The following DYNC2I1 variants were observed in gnomAD, a reference collection of about 807,000 sequenced individuals.
The protein encoded by DYNC2I1 is cytoplasmic dynein 2 intermediate chain 1.
DYNC2I1 carries 89 observed loss-of-function variants against 133.4 expected under a neutral mutation model. That is an observed-to-expected ratio of 0.67 (90% confidence interval 0.56 to 0.80). The LOEUF (loss-of-function observed/expected upper bound fraction) is 0.80. Among genes scored for constraint, DYNC2I1 ranks in the 30% least tolerant of loss-of-function variants. The probability of loss-of-function intolerance (pLI) is 0.00; values close to 1 mark genes in which losing one functional copy is unlikely to be tolerated. For synonymous variants in DYNC2I1, 504 were observed against 484.3 expected (o/e 1.04, Z -0.54); for missense variants, 1,291 against 1,314.5 (o/e 0.98, Z 0.28).
intron 8 of DYNC2I1, among the ~76,000 whole-genome samples, chr7:158,898,497 C>A (rs1212631550): frequency 6.6e-6 from 1 of 152,140 alleles, no homozygotes; most frequent in East Asian, 1.9e-4. Context: ...CTTCTTTATT[C>A]ATGTTGACTC....
At chr7:158,879,061 G>A (rs1011489337) in intron 4 of DYNC2I1, among the ~76,000 whole-genome samples, 4 of 152,160 alleles carry the variant, frequency 2.6e-5, no homozygotes, top group East Asian at 1.9e-4. Context: ...CGTGAGTGTC[G>A]GGCACCATGT....
chr7:158,939,833 A>G (rs1477268588), intron 23 of DYNC2I1, among the ~76,000 whole-genome samples: 1 of 152,220 alleles, frequency 6.6e-6, no homozygotes, highest in Non-Finnish European at 1.5e-5. Flanking sequence ...TGGCAGATAA[A>G]TTAGACTACA....
chr7:158,930,511 G>A lies in DYNC2I1; in HGVS notation c.2542G>A (p.Asp848Asn), dbSNP rs1272818063. The A allele has an allele frequency of 6.2e-7, 1 of 1,612,508 alleles. No individual in the cohort carries two copies. The highest frequency in any genetic ancestry group is 2.2e-5 in the East Asian group (1 of 44,876). ...LVHSALIQLG[D>N]SLSHKGNEFW... ...ACATAGTGCTCTGATCCAGTTGGGT[G>A]ACAGGTAAGATGTGAGGGAAAATGC... is the stretch of plus-strand genomic sequence containing the variant. The change falls in exon 21 of 25, where the codon GAC becomes AAC. Residue 848 changes from aspartate (D) to asparagine (N), a missense_variant. Physicochemically the swap from Asp to Asn is conservative, Grantham distance 23 (BLOSUM62 1). Coordinates refer to ENST00000407559, the MANE Select transcript of DYNC2I1 (RefSeq NM_018051.5).
chr7:158,926,535 G>A (rs774393104), intron 19 of DYNC2I1, 72 bp downstream of exon 19: 96 of 1,511,756 alleles, frequency 6.4e-5, no homozygotes, highest in Non-Finnish European at 8.6e-5. Context: ...GCGCCTGAAT[G>A]GCGCAGGGGG....
chr7:158,956,966 C>G (rs893523673), downstream of DYNC2I1, among the ~76,000 whole-genome samples: 1 of 152,102 alleles, frequency 6.6e-6, no homozygotes, highest in African/African-American at 2.4e-5. Flanking sequence ...CCACACTCAC[C>G]CGGCATCGGG....
intron 13 of DYNC2I1, among the ~76,000 whole-genome samples, chr7:158,913,948 G>A (rs1326016658): frequency 6.6e-6 from 1 of 152,178 alleles, no homozygotes; most frequent in East Asian, 1.9e-4. Flanking sequence ...GACCTCAGAT[G>A]ATCCACCTGC....
At chr7:158,869,528 GAC>G (rs1207572071) in intron 1 of DYNC2I1, 1 of 488,788 alleles carries the variant, frequency 2.0e-6, no homozygotes, top group South Asian at 1.5e-5. Context: ...AATACAGTCT[GAC>G]ACAAGATATT....
chr7:158,947,909 C>T (rs1212975937), downstream of DYNC2I1, among the ~76,000 whole-genome samples: 1 of 152,250 alleles, frequency 6.6e-6, no homozygotes, highest in Non-Finnish European at 1.5e-5. Context: ...TCCATGATGT[C>T]CTTGAATGTG....
At chr7:158,850,302 T>C in the DYNC2I1 span, among the ~76,000 whole-genome samples, 7 of 152,288 alleles carry the variant, frequency 4.6e-5, no homozygotes, top group South Asian at 1.2e-3. Flanking sequence ...AGGTCTACAG[T>C]TGCACGTCCA....
chr7:158,894,090 T>C (rs1364065759), intron 8 of DYNC2I1, among the ~76,000 whole-genome samples: 3 of 11,442 alleles, frequency 2.6e-4, no homozygotes, highest in East Asian at 1.7e-3. Context: ...TATTATACCG[T>C]ATAGCAAAGT....
At chr7:158,897,977 C>T (rs1307648206) in intron 8 of DYNC2I1, among the ~76,000 whole-genome samples, 1 of 152,118 alleles carries the variant, frequency 6.6e-6, no homozygotes, top group African/African-American at 2.4e-5. Flanking sequence ...TTACATTTCT[C>T]TTGAGATTTG....
intron 1 of DYNC2I1, among the ~76,000 whole-genome samples, chr7:158,868,097 C>T (rs1297924772): frequency 2.0e-5 from 3 of 152,030 alleles, no homozygotes; most frequent in Non-Finnish European, 2.9e-5. Context: ...AACAAAAAGA[C>T]GATGATGAAG....
At chr7:158,863,294 A>G (rs562133502) in intron 1 of DYNC2I1, among the ~76,000 whole-genome samples, 249 of 152,204 alleles carry the variant, frequency 1.6e-3, no homozygotes, top group Non-Finnish European at 2.9e-3. Flanking sequence ...CCGTTTTTAC[A>G]GAGTGCTGAT....
At chr7:158,952,082 G>A (rs1009789283) in intron 4 of DYNC2I1, among the ~76,000 whole-genome samples, 10 of 152,334 alleles carry the variant, frequency 6.6e-5, no homozygotes, top group South Asian at 2.1e-4. Context: ...TGGCAAGGTC[G>A]CGGTGGAAAT....
At chr7:158,874,915 T>A (rs1843214584) in intron 3 of DYNC2I1, among the ~76,000 whole-genome samples, 1 of 152,086 alleles carries the variant, frequency 6.6e-6, no homozygotes, top group Admixed American at 6.5e-5. Context: ...TCTCAGTTAA[T>A]AGCACCTGCA....
intron 4 of DYNC2I1, among the ~76,000 whole-genome samples, 152 bp from the exon 5 acceptor site, chr7:158,879,532 G>A (rs1420260589): frequency 1.3e-5 from 2 of 152,126 alleles, no homozygotes; most frequent in African/African-American, 4.8e-5. Flanking sequence ...CAAGGAAAAA[G>A]TCTGTACATG....
chr7:158,844,169 C>T, the DYNC2I1 span, among the ~76,000 whole-genome samples: 7 of 152,304 alleles, frequency 4.6e-5, no homozygotes, highest in Middle Eastern at 3.4e-3. Flanking sequence ...AGGAAGTTTT[C>T]GCCTGACTCA....
chr7:158,920,155 T>G (rs1192936260), intron 15 of DYNC2I1, among the ~76,000 whole-genome samples: 1 of 148,126 alleles, frequency 6.8e-6, no homozygotes, highest in Non-Finnish European at 1.5e-5. Context: ...AGAGAACATG[T>G]GAAGTGTGTG....
At chr7:158,926,894 C>T in intron 19 of DYNC2I1, 98 bp from the exon 20 acceptor site, 3 of 866,494 alleles carry the variant, frequency 3.5e-6, no homozygotes, top group African/African-American at 1.7e-5. Context: ...TGTTTTAGTA[C>T]CTAAATAGCA....
Sources: gnomAD v4.1 joint callset for allele counts (sites outside exome capture counted in the v4.1 genomes callset) on GRCh38, gnomAD v4.1.1 for gene constraint, MANE v1.5 for transcripts, NCBI Gene and HGNC (gene_info 2026-07-23, HGNC 2026-07-21) for gene names.